Variants in ATRN observed in about 807,000 individuals in gnomAD.
ATRN encodes attractin-2.
A neutral mutation model predicts 178.7 loss-of-function variants in ATRN; 54 were observed. That is an observed-to-expected ratio of 0.30 (90% CI 0.24 to 0.38). The LOEUF is 0.38. Ranked by LOEUF, ATRN falls within the 10% of genes least tolerant of loss-of-function variation. The probability of loss-of-function intolerance (pLI) is 1.00; values close to 1 mark genes in which losing one functional copy is unlikely to be tolerated. For synonymous variants in ATRN, 636 were observed against 663.0 expected (o/e 0.96, Z 0.63); for missense variants, 1,443 against 1,815.1 (o/e 0.79, Z 3.73).
intron 1 of ATRN, chr20:3,489,987 T>C: frequency 1.0e-6 from 1 of 991,906 alleles, no homozygotes; most frequent in Non-Finnish European, 1.6e-6. Context: ...TTGCTTGCAC[T>C]GTGCATTTTC....
intron 25 of ATRN, among the ~76,000 whole-genome samples, chr20:3,627,289 C>G (rs1314367557): frequency 6.6e-6 from 1 of 152,188 alleles, no homozygotes; most frequent in Non-Finnish European, 1.5e-5. Context: ...GACTCAGAAC[C>G]TCTAGGGGTG....
intron 1 of ATRN, among the ~76,000 whole-genome samples, chr20:3,501,856 A>G (rs1303847933): frequency 2.0e-5 from 3 of 152,150 alleles, no homozygotes; most frequent in Admixed American, 6.6e-5. Flanking sequence ...GTTGGATTTC[A>G]GGGGCTGCAA....
At chr20:3,568,530 GA>G (rs1237203728) in intron 11 of ATRN, among the ~76,000 whole-genome samples, 1 of 151,876 alleles carries the variant, frequency 6.6e-6, no homozygotes, top group Non-Finnish European at 1.5e-5. Context: ...ATATATTTCA[GA>G]TAACAATTTG....
At chr20:3,532,162 T>A (rs2085462536) in intron 1 of ATRN, among the ~76,000 whole-genome samples, 1 of 152,044 alleles carries the variant, frequency 6.6e-6, no homozygotes, top group Non-Finnish European at 1.5e-5. Context: ...CAAATATTTG[T>A]TTTATAAAAC....
Position 3,491,198 on chromosome 20 carries a change from T to C in ATRN, c.410+19681T>C, listed in dbSNP as rs539045551. Reference sequence around the variant, plus strand: ...TTTGATCCCCCGTGTCTTCTCCAAATGTGGCCTCATTTCTGTGTTTCATTT... The same window carrying C: ...TTTGATCCCCCGTGTCTTCTCCAAACGTGGCCTCATTTCTGTGTTTCATTT... On this transcript the variant is annotated intron_variant, in intron 1 of 28. Coordinates refer to ENST00000262919, the MANE Select transcript of ATRN (RefSeq NM_139321.3). Among the ~76,000 whole-genome samples, 7 of 152,236 alleles carry C rather than the reference T, an allele frequency of 4.6e-5. No individual in the cohort carries two copies. In the South Asian group the frequency reaches 8.3e-4, roughly 18 times the overall value.
At chr20:3,547,797 A>G (rs2085728290) in intron 5 of ATRN, among the ~76,000 whole-genome samples, 1 of 152,190 alleles carries the variant, frequency 6.6e-6, no homozygotes, top group South Asian at 2.1e-4. Flanking sequence ...ACAAGAGCTG[A>G]CAATAATGAT....
At chr20:3,508,385 T>C (rs190767381) in intron 1 of ATRN, among the ~76,000 whole-genome samples, 11 of 152,234 alleles carry the variant, frequency 7.2e-5, no homozygotes, top group African/African-American at 2.4e-4. Context: ...TATCTTAGAC[T>C]CCTGGGCCAT....
chr20:3,519,753 G>T (rs1312852337), intron 1 of ATRN, among the ~76,000 whole-genome samples: 1 of 151,622 alleles, frequency 6.6e-6, no homozygotes, highest in Non-Finnish European at 1.5e-5. Context: ...GAAAAGAAAA[G>T]AAAAAGGAAA....
chr20:3,628,911 G>C (rs540413090), intron 25 of ATRN: 3 of 985,012 alleles, frequency 3.0e-6, no homozygotes, highest in East Asian at 1.1e-4. Context: ...CCTTGACCCT[G>C]GCCGTCTTCT....
At chr20:3,572,244 T>C (rs1015231431) in intron 11 of ATRN, among the ~76,000 whole-genome samples, 14 of 152,184 alleles carry the variant, frequency 9.2e-5, no homozygotes, top group South Asian at 4.1e-4. Flanking sequence ...AATGAAGATA[T>C]AGAATTGCTG....
intron 13 of ATRN, among the ~76,000 whole-genome samples, 180 bp from the exon 14 acceptor site, chr20:3,576,679 A>ATCTGTCTGTCTGTCTGTCTGTCTG (rs369364158): frequency 1.4e-5 from 2 of 142,220 alleles, no homozygotes; most frequent in African/African-American, 5.2e-5. Flanking sequence ...TTATCTATCT[A>ATCTGTCTGTCTGTCTGTCTGTCTG]TCTGTCTGTC....
At chr20:3,476,059 G>A (rs1217901830) in intron 1 of ATRN, among the ~76,000 whole-genome samples, 5 of 152,098 alleles carry the variant, frequency 3.3e-5, no homozygotes, top group Admixed American at 3.3e-4. Flanking sequence ...GCAGGAGGAT[G>A]GCTTGAGCCC....
At chr20:3,537,560 G>A (rs1338676634) in intron 2 of ATRN, among the ~76,000 whole-genome samples, 6 of 148,584 alleles carry the variant, frequency 4.0e-5, no homozygotes, top group Non-Finnish European at 7.4e-5. Context: ...TGTGCACAAC[G>A]TGCAGGTTTG....
Position 3,526,027 on chromosome 20 carries a change from C to A in ATRN, c.411-9226C>A, listed in dbSNP as rs552415361. ...GCCCTCTCTCACCACTCCTATTCAA[C>A]CTAATATGGAAGTTTTGGCCAGGGC... On this transcript the variant is annotated intron_variant, in intron 1 of 28. Coordinates refer to ENST00000262919, the MANE Select transcript of ATRN (RefSeq NM_139321.3). Among the ~76,000 whole-genome samples, 170 of 152,150 alleles carry A rather than the reference C, an allele frequency of 1.1e-3. 4 individuals carry two copies. The South Asian group carries it at 0.034, about 30-fold the overall frequency.
intron 15 of ATRN, among the ~76,000 whole-genome samples, chr20:3,579,129 A>C (rs185338844): frequency 7.0e-4 from 107 of 152,264 alleles, no homozygotes; most frequent in African/African-American, 2.5e-3. Flanking sequence ...GGATTAAGCC[A>C]CCTGAGTTCC....
chr20:3,513,191 T>C (rs1443291374), intron 1 of ATRN, among the ~76,000 whole-genome samples: 2 of 152,226 alleles, frequency 1.3e-5, no homozygotes, highest in African/African-American at 4.8e-5. Context: ...CCCATGCCTG[T>C]GTCCTGAATG....
chr20:3,521,503 A>G (rs2085295964), intron 1 of ATRN, among the ~76,000 whole-genome samples: 1 of 152,236 alleles, frequency 6.6e-6, no homozygotes, highest in Non-Finnish European at 1.5e-5. Context: ...TGAAGTACAA[A>G]TGGTCAGAAC....
chr20:3,522,131 T>C (rs2085304433), intron 1 of ATRN, among the ~76,000 whole-genome samples: 1 of 151,746 alleles, frequency 6.6e-6, no homozygotes, highest in Admixed American at 6.6e-5. Flanking sequence ...ACTAGAAAAA[T>C]TCCCCCAAAC....
In ATRN at chr20:3,565,348, C is replaced by T. The variant is rs759471813; in HGVS notation, c.1787C>T (p.Ala596Val). The T allele has an allele frequency of 1.2e-6, 2 of 1,613,134 alleles. No homozygotes were observed. The highest frequency in any genetic ancestry group is 1.7e-6 in the Non-Finnish European group (2 of 1,179,324). The change falls in exon 11 of 29, where the codon GCC becomes GTC. Residue 596 changes from alanine to valine, a missense_variant and splice_region_variant. Coordinates refer to ENST00000262919, the MANE Select transcript of ATRN (RefSeq NM_139321.3). ...FSSDFMAYDI[A>V]CDRWSVLPRP... ...AAAAATATATTTTTCTTTCTCCTAG[C>T]CTGTGACCGCTGGTCAGTGCTTCCC... is the stretch of plus-strand genomic sequence containing the variant.
Sources: allele counts gnomAD v4.1 joint callset (sites outside exome capture counted in the v4.1 genomes callset), GRCh38; gene constraint gnomAD v4.1.1; transcripts MANE v1.5; gene names NCBI Gene and HGNC (gene_info 2026-07-23, HGNC 2026-07-21).